TEX51: variants seen among roughly 807,000 people sequenced by gnomAD.
TEX51 encodes the protein testis expressed 51, also known as testis-expressed protein 51.
TEX51 carries 14 observed loss-of-function variants against 8.0 expected under a neutral mutation model. That is an observed-to-expected ratio of 1.76 (90% CI 1.16 to 2.75). The LOEUF is 2.75. TEX51 is among the 30% of genes most tolerant of loss of function. The probability of loss-of-function intolerance (pLI) is 0.00; values close to 1 mark genes in which losing one functional copy is unlikely to be tolerated. For missense variants in TEX51, 142 were observed against 77.4 expected, an observed-to-expected ratio of 1.83 and a Z score of -3.13; for synonymous variants, 58 against 28.6, an observed-to-expected ratio of 2.03 and a Z score of -3.29.
At chr2:126,899,086 G>C in intron 1 of TEX51, 23 bp downstream of exon 1, 2 of 701,816 alleles carry the variant, frequency 2.8e-6, no homozygotes, top group Non-Finnish European at 5.2e-6. Flanking sequence ...TGTTCCTAGA[G>C]GATAATAATT....
intron 4 of TEX51, among the ~76,000 whole-genome samples, chr2:126,900,810 GCA>G (rs927769026): frequency 6.6e-6 from 1 of 152,138 alleles, no homozygotes; most frequent in Non-Finnish European, 1.5e-5. Context: ...TACTCCCCAG[GCA>G]CACTAAGTGC....
intron 4 of TEX51, among the ~76,000 whole-genome samples, chr2:126,900,405 A>G (rs192561351): frequency 2.0e-5 from 3 of 151,932 alleles, no homozygotes; most frequent in African/African-American, 7.2e-5. Flanking sequence ...AAAAAAAAAA[A>G]AAGAAAGAAA....
At chr2:126,901,599 A>C (rs1243697930) in intron 6 of TEX51, 195 bp downstream of exon 6, 22 of 601,724 alleles carry the variant, frequency 3.7e-5, no homozygotes, top group Non-Finnish European at 6.2e-5. Flanking sequence ...TATTGGGGCC[A>C]GGGGCCCAGG....
intron 6 of TEX51, 115 bp downstream of exon 6, chr2:126,901,519 G>A: frequency 1.5e-6 from 1 of 664,452 alleles, no homozygotes; most frequent in South Asian, 1.7e-5. Flanking sequence ...GGTCTGGCGT[G>A]CAGAACAGAG....
intron 4 of TEX51, among the ~76,000 whole-genome samples, chr2:126,900,438 C>T (rs1216637619): frequency 6.6e-6 from 1 of 151,778 alleles, no homozygotes; most frequent in African/African-American, 2.4e-5. Flanking sequence ...AAGAAAAATG[C>T]CCAATCCCAT....
Position 126,901,292 on chromosome 2 carries a change from C to T in TEX51, c.463+14C>T, listed in dbSNP as rs1331092711. ...CCATAGCTGGAGGTGGGTGAGTGACCTCTCCAAGCCCCAGCATCCCCAGGG... is the reference window on the plus strand; with the variant it reads ...CCATAGCTGGAGGTGGGTGAGTGACTTCTCCAAGCCCCAGCATCCCCAGGG... On this transcript the variant is annotated intron_variant, in intron 5 of 6. Coordinates refer to ENST00000568484, the MANE Select transcript of TEX51 (RefSeq NM_001322244.2). 1 of 699,918 alleles carries T rather than the reference C, an allele frequency of 1.4e-6. No individual in the cohort carries two copies. The highest frequency in any genetic ancestry group is 2.6e-6 in the Non-Finnish European group (1 of 383,412). 43.4% of individuals were successfully genotyped at this position (699,918 alleles called of 1,614,324 possible). A position where few individuals can be genotyped will look rare whatever the true frequency, so the allele number is the denominator to read the frequency against.
intron 3 of TEX51, 145 bp from the exon 4 acceptor site, chr2:126,899,791 C>T: frequency 1.4e-6 from 1 of 702,248 alleles, no homozygotes; most frequent in East Asian, 2.7e-5. Flanking sequence ...CTCTGTCTGC[C>T]TCCCCAGCAC....
chr2:126,899,272 C>T lies in TEX51; in HGVS notation c.201C>T (p.Ala67=), dbSNP rs1182014060. ...TAKFFTQVHQ[A]IKTLRDDKTV... ...AATTCTTCACTCAAGTACACCAAGCCATTAAAACGTTACGAGATGGTGAGG... is the reference window on the plus strand; with the variant it reads ...AATTCTTCACTCAAGTACACCAAGCTATTAAAACGTTACGAGATGGTGAGG... Residue 67 remains alanine, a synonymous_variant, in exon 2 of 7, where the codon GCC becomes GCT. Transcript: ENST00000568484. 4.3e-6 allele frequency: 3 copies of T among 702,022 alleles called. No individual in the cohort carries two copies. In the African/African-American group the frequency reaches 5.2e-5, roughly 12 times the overall value. The allele number at this position is 702,022 out of a possible 1,614,324, so 43.5% of individuals were successfully genotyped here.
chr2:126,900,114 CT>C, intron 4 of TEX51, 95 bp downstream of exon 4: 1 of 686,826 alleles, frequency 1.5e-6, no homozygotes, highest in African/African-American at 1.8e-5. Flanking sequence ...CCAACTCAAG[CT>C]TTTCTTGTTC....
intron 2 of TEX51, 46 bp from the exon 3 acceptor site, chr2:126,899,477 G>C: frequency 1.5e-6 from 1 of 686,238 alleles, no homozygotes. Flanking sequence ...ACCCAACCTT[G>C]AGCAAGTTGT....
At position 126,898,998 on chromosome 2, in the gene TEX51, C is replaced by T; in HGVS notation, c.80C>T (p.Ala27Val). 1.4e-6 allele frequency: 1 copy of T among 702,270 alleles called. No homozygotes were observed. Among genetic ancestry groups the T allele is most frequent in the Non-Finnish European group, 2.6e-6 (1 of 384,828 alleles). 43.5% of individuals were successfully genotyped at this position (702,270 alleles called of 1,614,324 possible). Reference sequence around the variant, plus strand: ...CTCCGCTGCTGGCCAGAACTGTCTGCCTTGATAGACTATGACCTGCAGATC... The same window carrying T: ...CTCCGCTGCTGGCCAGAACTGTCTGTCTTGATAGACTATGACCTGCAGATC... ...NCLRCWPELSALIDYDLQILW... is the reference protein window; with the variant it reads ...NCLRCWPELSVLIDYDLQILW... Residue 27 changes from alanine (A) to valine (V), a missense_variant, in exon 1 of 7, where the codon GCC (alanine) becomes GTC (valine). Transcript: ENST00000568484.
rs116031882 is a variant in TEX51 at position 126,899,299 on chromosome 2, A to C, written c.220+8A>C. 2.4e-3 allele frequency: 1,680 copies of C among 702,198 alleles called. 24 individuals carry two copies. The African/African-American group carries it at 0.027, about 11-fold the overall frequency. 43.5% of individuals were successfully genotyped at this position (702,198 alleles called of 1,614,324 possible). ...TTAAAACGTTACGAGATGGTGAGGA[A>C]GCCAAGAGCCCCAGGGCCTTGGGGC... On this transcript the variant is annotated splice_region_variant and intron_variant, in intron 2 of 6. Transcript: ENST00000568484.
chr2:126,900,298 G>T (rs1414205797), intron 4 of TEX51, among the ~76,000 whole-genome samples: 1 of 151,700 alleles, frequency 6.6e-6, no homozygotes, highest in African/African-American at 2.4e-5. Context: ...GGAGGCTGAG[G>T]CAGGAGAGTC....
intron 4 of TEX51, among the ~76,000 whole-genome samples, chr2:126,900,778 C>A (rs1367686042): frequency 6.6e-6 from 1 of 152,172 alleles, no homozygotes; most frequent in Non-Finnish European, 1.5e-5. Flanking sequence ...CTAGAGAAAG[C>A]CCACCCTCCT....
At chr2:126,899,653 C>T (rs1680217700) in intron 3 of TEX51, 41 bp downstream of exon 3, 1 of 695,340 alleles carries the variant, frequency 1.4e-6, no homozygotes, top group Non-Finnish European at 2.6e-6. Context: ...CCCAGCCCTC[C>T]ACACCTGCCA....
In TEX51 at chr2:126,901,995, G is replaced by C; in HGVS notation, c.*126G>C. ...CCATACCCTCCATCCTGGGTCCTGG[G>C]GCCCCAAAGCTCTGAGGCCTAGGAG... On this transcript the variant is annotated 3_prime_UTR_variant, in exon 7 of 7. Coordinates refer to ENST00000568484, the MANE Select transcript of TEX51 (RefSeq NM_001322244.2). 6.9e-6 allele frequency: 4 copies of C among 580,950 alleles called. No homozygotes were observed. Among genetic ancestry groups the C allele is most frequent in the South Asian group, 6.2e-5 (3 of 48,410 alleles). 36.0% of individuals were successfully genotyped at this position (580,950 alleles called of 1,614,324 possible).
chr2:126,901,595 G>T, intron 6 of TEX51, 191 bp downstream of exon 6: 5 of 601,672 alleles, frequency 8.3e-6, no homozygotes, highest in Non-Finnish European at 1.5e-5. Context: ...GACATATTGG[G>T]GCCAGGGGCC....
intron 6 of TEX51, 125 bp from the exon 7 acceptor site, chr2:126,901,747 C>T (rs1405850324): frequency 1.7e-5 from 10 of 572,398 alleles, no homozygotes; most frequent in Non-Finnish European, 2.8e-5. Context: ...GCATGGCTGC[C>T]TTGCCCTCTG....
intron 2 of TEX51, 75 bp downstream of exon 2, chr2:126,899,366 C>A: frequency 1.4e-6 from 1 of 697,828 alleles, no homozygotes; most frequent in Non-Finnish European, 2.6e-6. Flanking sequence ...TTCTCAGAGG[C>A]CCATGTGGCC....
Sources: gnomAD v4.1 joint callset for allele counts (sites outside exome capture counted in the v4.1 genomes callset) on GRCh38, gnomAD v4.1.1 for gene constraint, MANE v1.5 for transcripts, NCBI Gene and HGNC (gene_info 2026-07-23, HGNC 2026-07-21) for gene names.